PDE1C: variants seen among roughly 807,000 people sequenced by gnomAD.
PDE1C encodes dual specificity calcium/calmodulin-dependent 3',5'-cyclic nucleotide phosphodiesterase 1C.
In PDE1C, 62 loss-of-function variants were observed where a neutral mutation model predicts 93.1. The ratio of observed to expected loss-of-function variants is 0.67; its 90% CI spans 0.54 to 0.82. The LOEUF is 0.82. PDE1C is among the 40% of genes least tolerant of loss of function. The probability of loss-of-function intolerance (pLI) is 0.00; values close to 1 mark genes in which losing one functional copy is unlikely to be tolerated. For synonymous variants in PDE1C, 325 were observed against 310.1 expected, an observed-to-expected ratio of 1.05 and a Z score of -0.50; for missense variants, 742 against 884.6, an observed-to-expected ratio of 0.84 and a Z score of 2.04.
intron 16 of PDE1C, among the ~76,000 whole-genome samples, chr7:31,798,860 T>C (rs564947470): frequency 7.9e-5 from 12 of 151,636 alleles, no homozygotes; most frequent in African/African-American, 2.7e-4. Flanking sequence ...ATAGCAGAGA[T>C]TGGAAAACTA....
intron 2 of PDE1C, among the ~76,000 whole-genome samples, chr7:31,966,713 A>C (rs2129042257): frequency 6.6e-6 from 1 of 152,360 alleles, no homozygotes; most frequent in South Asian, 2.1e-4. Flanking sequence ...TTGGAAGTAA[A>C]GCACTCCTCA....
intron 2 of PDE1C, among the ~76,000 whole-genome samples, chr7:32,207,562 C>T (rs1277395491): frequency 6.6e-6 from 1 of 152,166 alleles, no homozygotes; most frequent in Non-Finnish European, 1.5e-5. Flanking sequence ...CTTAGTAGCT[C>T]ACGTGCCATC....
the PDE1C span, among the ~76,000 whole-genome samples, chr7:31,655,620 C>A: frequency 6.6e-6 from 1 of 152,178 alleles, no homozygotes; most frequent in Admixed American, 6.5e-5. Flanking sequence ...AGTTATTATG[C>A]GCCTCTCGTC....
the PDE1C span, among the ~76,000 whole-genome samples, chr7:31,739,542 A>G: frequency 6.6e-6 from 1 of 152,168 alleles, no homozygotes; most frequent in Non-Finnish European, 1.5e-5. Flanking sequence ...GGCTGCTAGG[A>G]TATGCACTTA....
chr7:32,120,998 G>A (rs1427172827), intron 3 of PDE1C, among the ~76,000 whole-genome samples: 1 of 152,160 alleles, frequency 6.6e-6, no homozygotes, highest in African/African-American at 2.4e-5. Flanking sequence ...GATTAGAGAA[G>A]CTGCTAACTA....
intron 1 of PDE1C, among the ~76,000 whole-genome samples, chr7:32,272,766 T>C (rs1562639515): frequency 6.6e-6 from 1 of 152,152 alleles, no homozygotes; most frequent in African/African-American, 2.4e-5. Flanking sequence ...TGTGACCCAG[T>C]TCTAGTCAAT....
At chr7:32,232,115 GA>G (rs1436394413) in intron 1 of PDE1C, among the ~76,000 whole-genome samples, 11 of 151,980 alleles carry the variant, frequency 7.2e-5, no homozygotes. Flanking sequence ...TGAGGATGCT[GA>G]AAACAATAGT....
intron 1 of PDE1C, among the ~76,000 whole-genome samples, chr7:32,333,672 T>C (rs181409460): frequency 1.3e-5 from 2 of 152,228 alleles, no homozygotes; most frequent in Non-Finnish European, 2.9e-5. Flanking sequence ...ACTCAGTTTC[T>C]GCTCATATAA....
chr7:31,741,807 T>A, the PDE1C span, among the ~76,000 whole-genome samples: 2 of 151,926 alleles, frequency 1.3e-5, no homozygotes, highest in Non-Finnish European at 2.9e-5. Flanking sequence ...GCATAAGGGG[T>A]GGAAAATGGC....
intron 1 of PDE1C, among the ~76,000 whole-genome samples, chr7:32,368,302 A>G (rs878906754): frequency 6.6e-6 from 1 of 152,202 alleles, no homozygotes; most frequent in Admixed American, 6.5e-5. Context: ...TAAATTCAGC[A>G]AAATTGCAGC....
intron 3 of PDE1C, among the ~76,000 whole-genome samples, chr7:32,111,646 T>C (rs764804016): frequency 1.1e-4 from 17 of 152,078 alleles, no homozygotes; most frequent in Non-Finnish European, 1.9e-4. Context: ...CTCTGGACCA[T>C]AGTCAGACAG....
chr7:31,731,892 C>T, the PDE1C span, among the ~76,000 whole-genome samples: 26 of 152,324 alleles, frequency 1.7e-4, no homozygotes, highest in South Asian at 3.1e-3. Context: ...GCATGGTTTA[C>T]CTTTCCTAGT....
chr7:31,952,614 A>C (rs111886843), intron 2 of PDE1C, among the ~76,000 whole-genome samples: 5,415 of 152,214 alleles, frequency 0.036, 108 homozygotes, highest in South Asian at 0.074. Flanking sequence ...GATGCTGCTT[A>C]GTCCTGAATT....
At chr7:31,976,709 C>A (rs993106867) in intron 2 of PDE1C, among the ~76,000 whole-genome samples, 13 of 152,216 alleles carry the variant, frequency 8.5e-5, no homozygotes, top group African/African-American at 3.1e-4. Context: ...AGTCTCCCCA[C>A]AGCAATCAGA....
chr7:32,297,378 A>G (rs957379937), intron 1 of PDE1C, among the ~76,000 whole-genome samples: 15 of 152,038 alleles, frequency 9.9e-5, no homozygotes, highest in African/African-American at 3.4e-4. Context: ...TTAAGACCAC[A>G]GTACTTTTGG....
rs953308149 is a variant in PDE1C, at chr7:31,839,184, G to A, written c.981-1213C>T. Among the ~76,000 whole-genome samples, 21 of 146,540 alleles carry A rather than the reference G, an allele frequency of 1.4e-4. 1 individual carries two copies. The South Asian group carries it at 2.6e-3, about 18-fold the overall frequency. ...TGTATGTATACACACATACATATAC[G>A]TATGTATACATACATACATACGTAT... On this transcript the variant is annotated intron_variant, in intron 9 of 17. Transcript: ENST00000396191.
At chr7:32,407,258 G>C (rs1202229662) in intron 1 of PDE1C, among the ~76,000 whole-genome samples, 1 of 152,172 alleles carries the variant, frequency 6.6e-6, no homozygotes, top group African/African-American at 2.4e-5. Context: ...CTGGGTGACA[G>C]AGCAAGACTC....
At chr7:31,831,718 G>C (rs1258202840) in intron 11 of PDE1C, among the ~76,000 whole-genome samples, 1 of 152,002 alleles carries the variant, frequency 6.6e-6, no homozygotes, top group African/African-American at 2.4e-5. Flanking sequence ...AGAAGGGGCA[G>C]ACGGAAGAGT....
At chr7:31,651,121 GTTCT>G in the PDE1C span, 5 of 1,607,958 alleles carry the variant, frequency 3.1e-6, no homozygotes, top group East Asian at 2.2e-5. Context: ...TTTCTTCTCA[GTTCT>G]TTCTCATTGT....
Sources: allele counts gnomAD v4.1 joint callset (sites outside exome capture counted in the v4.1 genomes callset), GRCh38; gene constraint gnomAD v4.1.1; transcripts MANE v1.5; gene names NCBI Gene and HGNC (gene_info 2026-07-23, HGNC 2026-07-21).